The following ALKBH1 variants were observed in gnomAD, a reference collection of about 807,000 sequenced individuals.
The protein encoded by ALKBH1 is alkB homolog 1, histone H2A dioxygenase.
In ALKBH1, 31 loss-of-function variants were observed where a neutral mutation model predicts 36.6. The observed-to-expected ratio is 0.85, with a 90% CI of 0.64 to 1.14. The LOEUF (loss-of-function observed/expected upper bound fraction) is 1.14, where lower values mean the gene tolerates loss of function less well. Ranked by LOEUF, ALKBH1 falls within the 50% of genes most tolerant of loss-of-function variation. ALKBH1 has a pLI of 0.00. For synonymous variants in ALKBH1, 183 were observed against 186.6 expected, an observed-to-expected ratio of 0.98 and a Z score of 0.16; for missense variants, 490 against 497.3, an observed-to-expected ratio of 0.99 and a Z score of 0.14.
At chr14:77,689,896 T>G (rs938471569) in intron 3 of ALKBH1, among the ~76,000 whole-genome samples, 4 of 150,266 alleles carry the variant, frequency 2.7e-5, no homozygotes, top group Non-Finnish European at 4.4e-5. Context: ...AGACAGAAAA[T>G]TGTAGTTCCG....
At chr14:77,689,352 C>T (rs1363249741) in intron 3 of ALKBH1, among the ~76,000 whole-genome samples, 3 of 152,176 alleles carry the variant, frequency 2.0e-5, no homozygotes, top group Non-Finnish European at 4.4e-5. Flanking sequence ...TTAACAGTCC[C>T]TCCCTCACTG....
Position 77,673,661 on chromosome 14 carries a change from G to T in ALKBH1, c.*151C>A. ...GCAAAGTGGCTGAGTTTACTTCTGCGTGGGTTCCAAGGCAACAGTGTGATC... is the reference window on the plus strand; with the variant it reads ...GCAAAGTGGCTGAGTTTACTTCTGCTTGGGTTCCAAGGCAACAGTGTGATC... On this transcript the variant is annotated 3_prime_UTR_variant, in exon 6 of 6. Transcript: ENST00000216489. The T allele has an allele frequency of 2.6e-6, 2 of 767,090 alleles. No homozygotes were observed. The highest frequency in any genetic ancestry group is 3.6e-5 in the South Asian group (2 of 55,540). 47.5% of individuals were successfully genotyped at this position (767,090 alleles called of 1,614,324 possible). A position where few individuals can be genotyped will look rare whatever the true frequency, so the allele number is the denominator to read the frequency against.
intron 3 of ALKBH1, among the ~76,000 whole-genome samples, chr14:77,688,553 CT>C (rs11395756): frequency 4.1e-4 from 52 of 125,940 alleles, no homozygotes; most frequent in East Asian, 1.2e-3. Flanking sequence ...TGCACCCAGC[CT>C]TTTTTTTTTT....
At chr14:77,685,577 GA>G (rs773510217) in intron 3 of ALKBH1, among the ~76,000 whole-genome samples, 46 of 151,308 alleles carry the variant, frequency 3.0e-4, no homozygotes, top group Non-Finnish European at 5.7e-4. Context: ...AGAAGTTGGA[GA>G]ACCAGCCTGG....
At chr14:77,703,274 C>T (rs1181033793) in intron 2 of ALKBH1, among the ~76,000 whole-genome samples, 2 of 151,696 alleles carry the variant, frequency 1.3e-5, no homozygotes, top group African/African-American at 2.4e-5. Context: ...TGAGACACCT[C>T]GCCTGGTCCC....
intron 3 of ALKBH1, among the ~76,000 whole-genome samples, chr14:77,692,608 A>T (rs917134188): frequency 2.6e-5 from 4 of 151,912 alleles, no homozygotes; most frequent in Non-Finnish European, 5.9e-5. Context: ...ATGATTGGGG[A>T]CCCCCCTGCT....
chr14:77,679,646 G>T (rs2080225920), intron 4 of ALKBH1, among the ~76,000 whole-genome samples: 1 of 152,154 alleles, frequency 6.6e-6, no homozygotes. Context: ...GCCCAGGCTG[G>T]CAGCAAACTC....
At chr14:77,704,685 G>A (rs1328229455) in intron 1 of ALKBH1, among the ~76,000 whole-genome samples, 1 of 152,206 alleles carries the variant, frequency 6.6e-6, no homozygotes, top group Non-Finnish European at 1.5e-5. Context: ...TGATCCTCCT[G>A]TGTTGGCCTC....
intron 4 of ALKBH1, among the ~76,000 whole-genome samples, chr14:77,676,514 T>A (rs1223146548): frequency 1.3e-5 from 2 of 152,096 alleles, no homozygotes; most frequent in Non-Finnish European, 2.9e-5. Context: ...ACACAAGGAC[T>A]AAATATAATG....
At chr14:77,683,612 C>T (rs1467383033) in intron 3 of ALKBH1, 2 of 366,156 alleles carry the variant, frequency 5.5e-6, no homozygotes, top group African/African-American at 4.2e-5. Flanking sequence ...TGCTCTGTCA[C>T]CTAGGCTGGA....
chr14:77,706,934 A>C (rs1354027324), intron 1 of ALKBH1, among the ~76,000 whole-genome samples: 3 of 152,236 alleles, frequency 2.0e-5, no homozygotes, highest in Admixed American at 6.5e-5. Context: ...TCTGTGGACA[A>C]CACCAAGAGC....
In ALKBH1 at chr14:77,674,133, G is replaced by T. The variant is rs370893269; in HGVS notation, c.849C>A (p.Arg283=). ...GDIMIMSGFS[R]LLNHAVPRVL... is the part of the protein sequence containing the mutation. Reference sequence around the variant, plus strand: ...CACGAGGGACTGCGTGGTTCAAGAGGCGGCTGAAACCCGACATTATCATGA... The same window carrying T: ...CACGAGGGACTGCGTGGTTCAAGAGTCGGCTGAAACCCGACATTATCATGA... Residue 283 remains arginine, a synonymous_variant, in exon 6 of 6, where the codon CGC becomes CGA. Coordinates refer to ENST00000216489, the MANE Select transcript of ALKBH1 (RefSeq NM_006020.3). The T allele has an allele frequency of 7.4e-6, 12 of 1,614,174 alleles. No individual in the cohort carries two copies. Among genetic ancestry groups the T allele is most frequent in the Non-Finnish European group, 1.0e-5 (12 of 1,180,038 alleles).
chr14:77,679,854 C>A (rs1009365643), intron 4 of ALKBH1, 26 bp downstream of exon 4: 2 of 1,580,838 alleles, frequency 1.3e-6, no homozygotes, highest in Non-Finnish European at 1.7e-6. Context: ...AAACAGAAAA[C>A]AAAAGAATTA....
intron 4 of ALKBH1, among the ~76,000 whole-genome samples, chr14:77,678,857 C>T (rs1459473794): frequency 6.6e-6 from 1 of 152,050 alleles, no homozygotes; most frequent in African/African-American, 2.4e-5. Context: ...TGTTCTATCA[C>T]CCAGTTGGAC....
Position 77,707,909 on chromosome 14 carries a change from C to T in ALKBH1, c.96G>A (p.Gln32=), listed in dbSNP as rs560551732. ...AFRKLFRFYR[Q]SRPGTADLEG... Reference sequence around the variant, plus strand: ...CCAGGTCTGCGGTCCCGGGCCGGCTCTGACGGTAGAAGCGGAAAAGTTTCC... The same window carrying T: ...CCAGGTCTGCGGTCCCGGGCCGGCTTTGACGGTAGAAGCGGAAAAGTTTCC... The change falls in exon 1 of 6, where the codon CAG becomes CAA. Residue 32 remains glutamine (Q), a synonymous_variant. Coordinates refer to ENST00000216489, the MANE Select transcript of ALKBH1 (RefSeq NM_006020.3). The T allele has an allele frequency of 6.8e-6, 11 of 1,613,334 alleles. No individual in the cohort carries two copies. Among genetic ancestry groups the T allele is most frequent in the Non-Finnish European group, 9.3e-6 (11 of 1,180,014 alleles).
At chr14:77,691,125 A>C (rs926751274) in intron 3 of ALKBH1, among the ~76,000 whole-genome samples, 4 of 152,192 alleles carry the variant, frequency 2.6e-5, no homozygotes, top group Non-Finnish European at 4.4e-5. Context: ...GTACACTTTT[A>C]CAACAATCTC....
chr14:77,675,500 T>C (rs1382089253), intron 5 of ALKBH1, among the ~76,000 whole-genome samples, 156 bp downstream of exon 5: 1 of 152,118 alleles, frequency 6.6e-6, no homozygotes, highest in Non-Finnish European at 1.5e-5. Context: ...TAAACAGAGA[T>C]ACTAACTATA....
chr14:77,673,686 CAACAATG>C lies in ALKBH1; in HGVS notation c.*119_*125del. On this transcript the variant is annotated 3_prime_UTR_variant, in exon 6 of 6. Coordinates refer to ENST00000216489, the MANE Select transcript of ALKBH1 (RefSeq NM_006020.3). ...GTGGGTTCCAAGGCAACAGTGTGAT[CAACAATG>C]AGTTCTTCCCTGTCTCTGTTTTTGG... 9.9e-7 allele frequency: 1 copy of C among 1,007,390 alleles called. No homozygotes were observed. The highest frequency in any genetic ancestry group is 2.4e-5 in the Admixed American group (1 of 40,854). 62.4% of individuals were successfully genotyped at this position (1,007,390 alleles called of 1,614,324 possible).
chr14:77,684,916 A>C lies in ALKBH1; in HGVS notation c.456-4946T>G, dbSNP rs79248592. On this transcript the variant is annotated intron_variant, in intron 3 of 5. Coordinates refer to ENST00000216489, the MANE Select transcript of ALKBH1 (RefSeq NM_006020.3). The stretch of plus-strand genomic sequence containing the variant: ...ATCTGAAACAATAAACATAACAATA[A>C]TGCTGCTTTGGAAATAATTCAAAAG... Among the ~76,000 whole-genome samples, 1,085 of 152,236 alleles carry C rather than the reference A, an allele frequency of 7.1e-3. 16 individuals carry two copies. The highest frequency in any genetic ancestry group is 0.025 in the African/African-American group (1,050 of 41,518).
Sources: allele counts gnomAD v4.1 joint callset (sites outside exome capture counted in the v4.1 genomes callset), GRCh38; gene constraint gnomAD v4.1.1; transcripts MANE v1.5; gene names NCBI Gene and HGNC (gene_info 2026-07-23, HGNC 2026-07-21).